The following CD163L1 variants were observed in gnomAD, a reference collection of about 807,000 sequenced individuals.
CD163L1 encodes the protein scavenger receptor cysteine-rich type 1 protein M160.
Under a neutral mutation model 165.4 loss-of-function variants are expected in CD163L1, and 124 were observed. That is an observed-to-expected ratio of 0.75 (90% CI 0.65 to 0.87). CD163L1 has a LOEUF of 0.87. Ranked by LOEUF, CD163L1 falls within the 40% of genes least tolerant of loss-of-function variation. The pLI is 0.00. For missense variants in CD163L1, 1,525 were observed against 1,799.9 expected (o/e 0.85, Z 2.76); for synonymous variants, 585 against 662.2 (o/e 0.88, Z 1.79).
At chr12:7,370,038 T>C (rs1947113294) in intron 14 of CD163L1, among the ~76,000 whole-genome samples, 1 of 152,248 alleles carries the variant, frequency 6.6e-6, no homozygotes, top group Admixed American at 6.5e-5. Context: ...ATAACTAATG[T>C]TCATTTGGCT....
At chr12:7,408,434 C>T (rs1345373157) in intron 4 of CD163L1, among the ~76,000 whole-genome samples, 1 of 152,042 alleles carries the variant, frequency 6.6e-6, no homozygotes, top group Non-Finnish European at 1.5e-5. Flanking sequence ...TAGAATGTCA[C>T]ATTAGCAATA....
rs928996996 is a variant in CD163L1, at chr12:7,402,748, G to A, written c.1408+787C>T. 6.6e-5 allele frequency among the ~76,000 whole-genome samples: 10 copies of A among 151,494 alleles called. No homozygotes were observed. The South Asian group carries it at 1.0e-3, about 16-fold the overall frequency. ...ATTTCTGGGATCAAGCAATCCTCCC[G>A]CCTTAGTCTACTGAGTAGCTAGGAC... On this transcript the variant is annotated intron_variant, in intron 6 of 19. Coordinates refer to ENST00000313599, the MANE Select transcript of CD163L1 (RefSeq NM_174941.6).
chr12:7,324,578 C>G, the CD163L1 span: 1 of 1,613,816 alleles, frequency 6.2e-7, no homozygotes, highest in South Asian at 1.1e-5. Context: ...TGTCAGTAGT[C>G]CAGATCAAAT....
At chr12:7,322,374 C>T in the CD163L1 span, 1 of 1,611,836 alleles carries the variant, frequency 6.2e-7, no homozygotes, top group Non-Finnish European at 8.5e-7. Flanking sequence ...AGTGAAAGCA[C>T]TCAGGTTCCT....
chr12:7,363,787 T>C (rs867416944), intron 18 of CD163L1, among the ~76,000 whole-genome samples: 813 of 25,100 alleles, frequency 0.032, 3 homozygotes, highest in Middle Eastern at 0.074. Context: ...ATAATAATAA[T>C]AAGAAAAAAA....
At chr12:7,332,185 A>G in the CD163L1 span, among the ~76,000 whole-genome samples, 11 of 152,246 alleles carry the variant, frequency 7.2e-5, no homozygotes, top group East Asian at 1.2e-3. Context: ...GGGTATCAGC[A>G]ATGGAAGACG....
Position 7,368,241 on chromosome 12 carries a change from T to C in CD163L1, c.4073-44A>G. The C allele has an allele frequency of 9.0e-7, 1 of 1,115,586 alleles. No individual in the cohort carries two copies. The highest frequency in any genetic ancestry group is 1.4e-6 in the Non-Finnish European group (1 of 739,072). 69.1% of individuals were successfully genotyped at this position (1,115,586 alleles called of 1,614,324 possible). On this transcript the variant is annotated intron_variant, in intron 16 of 19. Transcript: ENST00000313599. The surrounding 1 kb of genome is among the most constrained non-coding windows in gnomAD (Gnocchi z 4.3). ...TTGATAAGTATTAAACTAGTAGATATCAATTGTGGGTTTATACATTGTAAA... is the reference window on the plus strand; with the variant it reads ...TTGATAAGTATTAAACTAGTAGATACCAATTGTGGGTTTATACATTGTAAA...
Position 7,406,757 on chromosome 12 carries a change from G to A in CD163L1, c.862C>T (p.His288Tyr). 1.9e-6 allele frequency: 3 copies of A among 1,613,972 alleles called. No homozygotes were observed. Among genetic ancestry groups the A allele is most frequent in the Non-Finnish European group, 2.5e-6 (3 of 1,179,962 alleles). Residue 288 changes from histidine to tyrosine, a missense_variant, in exon 5 of 20, where the codon CAC becomes TAC. Coordinates refer to ENST00000313599, the MANE Select transcript of CD163L1 (RefSeq NM_174941.6). ...GCTGCAGCATTGTTCCACTTATGGTGGCATACGGTCCCCCACCTTCCTTGG... is the reference window on the plus strand; with the variant it reads ...GCTGCAGCATTGTTCCACTTATGGTAGCATACGGTCCCCCACCTTCCTTGG... ...KIQGRWGTVC[H>Y]HKWNNAAADV...
chr12:7,442,126 G>A (rs189852582), intron 1 of CD163L1, among the ~76,000 whole-genome samples: 22 of 152,272 alleles, frequency 1.4e-4, no homozygotes, highest in Admixed American at 1.4e-3. Context: ...GTAAATAAAT[G>A]TATAAGAAAT....
At chr12:7,431,490 G>A (rs1948626907) in intron 4 of CD163L1, among the ~76,000 whole-genome samples, 1 of 151,964 alleles carries the variant, frequency 6.6e-6, no homozygotes, top group South Asian at 2.1e-4. Flanking sequence ...TTTCCATCTG[G>A]TGATGTAATG....
the CD163L1 span, among the ~76,000 whole-genome samples, chr12:7,333,159 C>A: frequency 6.6e-6 from 1 of 152,166 alleles, no homozygotes; most frequent in Non-Finnish European, 1.5e-5. Flanking sequence ...ATCTACAGAA[C>A]TCTCCACCCC....
chr12:7,338,719 C>A, the CD163L1 span, among the ~76,000 whole-genome samples: 1 of 152,150 alleles, frequency 6.6e-6, no homozygotes, highest in Non-Finnish European at 1.5e-5. Flanking sequence ...TGAGATTTAT[C>A]ATTCCTATAT....
chr12:7,388,681 C>G (rs956587295), intron 8 of CD163L1, among the ~76,000 whole-genome samples: 8 of 148,330 alleles, frequency 5.4e-5, no homozygotes, highest in African/African-American at 1.7e-4. Context: ...GAGGTCGAGG[C>G]TGCAGTGAGC....
chr12:7,338,319 AAAAT>A, the CD163L1 span, among the ~76,000 whole-genome samples: 2 of 152,194 alleles, frequency 1.3e-5, no homozygotes, highest in African/African-American at 2.4e-5. Context: ...ATAATTTTTA[AAAAT>A]AAATAAATAA....
intron 1 of CD163L1, among the ~76,000 whole-genome samples, chr12:7,443,092 C>T (rs1948850494): frequency 6.6e-6 from 1 of 152,122 alleles, no homozygotes; most frequent in Non-Finnish European, 1.5e-5. Flanking sequence ...TTATGAAGAA[C>T]TGTAATTCAT....
chr12:7,392,036 A>G (rs1947666694), intron 8 of CD163L1, among the ~76,000 whole-genome samples: 1 of 152,230 alleles, frequency 6.6e-6, no homozygotes, highest in Non-Finnish European at 1.5e-5. Context: ...GTTAACAAGG[A>G]TATCCAGGAC....
At chr12:7,440,629 C>CT (rs71067189) in intron 2 of CD163L1, among the ~76,000 whole-genome samples, 76 of 116,386 alleles carry the variant, frequency 6.5e-4, no homozygotes, top group African/African-American at 1.2e-3. Context: ...TATCTTTTTT[C>CT]TTTTTTTTTT....
At chr12:7,440,013 G>A (rs1044753860) in intron 2 of CD163L1, 2 of 1,461,368 alleles carry the variant, frequency 1.4e-6, no homozygotes, top group South Asian at 1.2e-5. Flanking sequence ...AAACCGCCGA[G>A]GAAAACCCGC....
intron 8 of CD163L1, among the ~76,000 whole-genome samples, chr12:7,380,314 CAT>C (rs1947360148): frequency 6.9e-6 from 1 of 145,952 alleles, no homozygotes; most frequent in African/African-American, 2.7e-5. Context: ...TACACATATA[CAT>C]ACATATATGT....
Sources: gnomAD v4.1 joint callset for allele counts (sites outside exome capture counted in the v4.1 genomes callset) on GRCh38, gnomAD v4.1.1 for gene constraint, Gnocchi (gnomAD v3.1) non-coding constraint, MANE v1.5 for transcripts, NCBI Gene and HGNC (gene_info 2026-07-23, HGNC 2026-07-21) for gene names.